SLIT2: variants seen among roughly 807,000 people sequenced by gnomAD.
SLIT2 encodes the protein slit homolog 2 protein.
In SLIT2, 41 loss-of-function variants were observed where a neutral mutation model predicts 185.7. The observed-to-expected ratio is 0.22, with a 90% CI of 0.17 to 0.29. SLIT2 has a LOEUF of 0.29. SLIT2 is among the 10% of genes least tolerant of loss of function. The pLI, the probability that SLIT2 is intolerant of heterozygous loss-of-function variation, is 1.00. For synonymous variants in SLIT2, 693 were observed against 680.2 expected (o/e 1.02, Z -0.29); for missense variants, 1,571 against 1,909.0 (o/e 0.82, Z 3.30).
intron 4 of SLIT2, among the ~76,000 whole-genome samples, chr4:20,418,346 CGTGGTTA>C (rs1272540362): frequency 7.9e-5 from 12 of 152,146 alleles, no homozygotes; most frequent in African/African-American, 2.9e-4. Flanking sequence ...GAAAAAAACA[CGTGGTTA>C]ATTAAGACTT....
At chr4:20,430,989 T>G (rs950410109) in intron 4 of SLIT2, among the ~76,000 whole-genome samples, 1 of 152,184 alleles carries the variant, frequency 6.6e-6, no homozygotes, top group African/African-American at 2.4e-5. Flanking sequence ...TAACAGACTG[T>G]TTGGTTGCTA....
intron 9 of SLIT2, among the ~76,000 whole-genome samples, chr4:20,509,701 A>G (rs1455037273): frequency 6.6e-6 from 1 of 152,192 alleles, no homozygotes; most frequent in Non-Finnish European, 1.5e-5. Context: ...ATAGACTAAA[A>G]TATGTACCAA....
intron 4 of SLIT2, among the ~76,000 whole-genome samples, chr4:20,372,259 T>C (rs1221084288): frequency 6.6e-6 from 1 of 152,046 alleles, no homozygotes; most frequent in Non-Finnish European, 1.5e-5. Flanking sequence ...GGAATTTACC[T>C]GACATTAAGT....
rs899643495 is a variant in SLIT2, at chr4:20,471,950, T to C, written c.467+4127T>C. 7.2e-5 allele frequency among the ~76,000 whole-genome samples: 11 copies of C among 151,932 alleles called. No individual in the cohort carries two copies. In the East Asian group the frequency reaches 1.9e-3, roughly 27 times the overall value. On this transcript the variant is annotated intron_variant, in intron 5 of 36. Transcript: ENST00000504154. Reference sequence around the variant, plus strand: ...TTTTACATTTTATTTTGCTACCTTATTTTCTCCAGCCACAATTTAAACTAC... The same window carrying C: ...TTTTACATTTTATTTTGCTACCTTACTTTCTCCAGCCACAATTTAAACTAC...
chr4:20,583,015 C>T (rs1228158873), intron 29 of SLIT2, among the ~76,000 whole-genome samples: 1 of 152,168 alleles, frequency 6.6e-6, no homozygotes, highest in Admixed American at 6.5e-5. Flanking sequence ...ACTCAGAACT[C>T]ATGCAATTCA....
intron 4 of SLIT2, among the ~76,000 whole-genome samples, chr4:20,390,508 A>G (rs1487563645): frequency 1.3e-5 from 2 of 152,060 alleles, no homozygotes; most frequent in African/African-American, 4.8e-5. Flanking sequence ...GTGAGTTCCT[A>G]AAACCACTAG....
At chr4:20,505,210 C>T (rs1719097150) in intron 9 of SLIT2, among the ~76,000 whole-genome samples, 1 of 151,740 alleles carries the variant, frequency 6.6e-6, no homozygotes, top group Non-Finnish European at 1.5e-5. Flanking sequence ...TTCTATTCTC[C>T]CCATTTTTCA....
chr4:20,615,417 C>T (rs1354587038), intron 34 of SLIT2: 1 of 152,168 alleles, frequency 6.6e-6, no homozygotes, highest in Non-Finnish European at 1.5e-5. Flanking sequence ...GATTTCTGCA[C>T]CTCTCCTGTT....
At chr4:20,354,900 TGTGTGTGAGAGAGAGAGAGA>T (rs1320230483) in intron 4 of SLIT2, among the ~76,000 whole-genome samples, 6 of 113,846 alleles carry the variant, frequency 5.3e-5, no homozygotes, top group African/African-American at 1.0e-4. Context: ...TGTGTGTGTG[TGTGTGTGAGAGAGAGAGAGA>T]GAGAGAGAGA....
At chr4:20,346,543 G>A (rs1399173663) in intron 4 of SLIT2, among the ~76,000 whole-genome samples, 1 of 152,142 alleles carries the variant, frequency 6.6e-6, no homozygotes, top group African/African-American at 2.4e-5. Flanking sequence ...CTCTAGAGGG[G>A]CAGTACTAAT....
At position 20,472,478 on chromosome 4, in the gene SLIT2, A is replaced by C. The variant is rs546341456; in HGVS notation, c.467+4655A>C. Among the ~76,000 whole-genome samples, 4 of 29,530 alleles carry C rather than the reference A, an allele frequency of 1.4e-4. 1 individual carries two copies. The highest frequency in any genetic ancestry group is 2.0e-4 in the Non-Finnish European group (4 of 20,138). 19.4% of individuals were successfully genotyped at this position (29,530 alleles called of 152,430 possible). ...GATATATCTATATCTATATATAGAT[A>C]TATATCTATATATAGATATATATCT... On this transcript the variant is annotated intron_variant, in intron 5 of 36. Transcript: ENST00000504154.
At position 20,541,584 on chromosome 4, in the gene SLIT2, A is replaced by T. The variant is rs778132485; in HGVS notation, c.2108A>T (p.Gln703Leu). ...TACTTCCTGAAAGAAATACCCATCC[A>T]GGATGTGGCCATTCAGGACTTCACT... ...KPYFLKEIPI[Q>L]DVAIQDFTCD... Residue 703 changes from glutamine (Q) to leucine (L), a missense_variant, in exon 20 of 37, where the codon CAG becomes CTG. Coordinates refer to ENST00000504154, the MANE Select transcript of SLIT2 (RefSeq NM_004787.4). The T allele has an allele frequency of 1.9e-6, 3 of 1,613,968 alleles. No homozygotes were observed. The highest frequency in any genetic ancestry group is 2.5e-6 in the Non-Finnish European group (3 of 1,179,934).
chr4:20,549,043 A>T lies in SLIT2; in HGVS notation c.2418-14A>T. On this transcript the variant is annotated splice_polypyrimidine_tract_variant and intron_variant, in intron 23 of 36. Coordinates refer to ENST00000504154, the MANE Select transcript of SLIT2 (RefSeq NM_004787.4). ...ATTTCTGAATAAAACAAATTGACAT[A>T]TGTATGCTTTCAGAATTCTTAGTTA... is the stretch of plus-strand genomic sequence containing the variant. The T allele has an allele frequency of 6.6e-7, 1 of 1,516,448 alleles. No individual in the cohort carries two copies. 93.9% of individuals were successfully genotyped at this position (1,516,448 alleles called of 1,614,324 possible). A position where few individuals can be genotyped will look rare whatever the true frequency, so the allele number is the denominator to read the frequency against.
intron 4 of SLIT2, among the ~76,000 whole-genome samples, chr4:20,463,452 T>TAG (rs1560444348): frequency 1.7e-3 from 33 of 19,806 alleles, no homozygotes; most frequent in African/African-American, 4.3e-3. Context: ...AACTGTGATA[T>TAG]ATATATATAT....
intron 4 of SLIT2, among the ~76,000 whole-genome samples, chr4:20,302,057 A>G (rs191034795): frequency 4.4e-4 from 67 of 152,308 alleles, no homozygotes; most frequent in African/African-American, 1.3e-3. Context: ...CAGAAAGAGT[A>G]TGTATCTAAT....
At chr4:20,421,096 GA>G (rs1413789694) in intron 4 of SLIT2, among the ~76,000 whole-genome samples, 1 of 152,154 alleles carries the variant, frequency 6.6e-6, no homozygotes, top group East Asian at 1.9e-4. Context: ...GGAATTAAAA[GA>G]AAAGGTAATT....
In SLIT2 at chr4:20,532,008, C is replaced by T. The variant is rs373964787; in HGVS notation, c.1638C>T (p.Thr546=). The stretch of plus-strand genomic sequence containing the variant: ...GGCGTCTCAATAATAATGAATTTAC[C>T]GTGTTGGAAGCCACAGGAATCTTTA... ...AELRLNNNEF[T]VLEATGIFKK... The change falls in exon 17 of 37, where the codon ACC becomes ACT. Residue 546 remains threonine, a synonymous_variant. Transcript: ENST00000504154. 3.2e-5 allele frequency: 51 copies of T among 1,575,694 alleles called. No homozygotes were observed. Among genetic ancestry groups the T allele is most frequent in the East Asian group, 1.8e-4 (8 of 43,340 alleles).
At chr4:20,480,064 A>G (rs1372748431) in intron 5 of SLIT2, among the ~76,000 whole-genome samples, 1 of 152,226 alleles carries the variant, frequency 6.6e-6, no homozygotes, top group Non-Finnish European at 1.5e-5. Context: ...TTTACAATGC[A>G]GAGCATTTGC....
In SLIT2 at chr4:20,619,254, G is replaced by T. The variant is rs959721253; in HGVS notation, c.*245G>T. 2.5e-5 allele frequency: 9 copies of T among 354,848 alleles called. No individual in the cohort carries two copies. Among genetic ancestry groups the T allele is most frequent in the Non-Finnish European group, 3.6e-5 (7 of 195,858 alleles). The allele number at this position is 354,848 out of a possible 1,614,324, so 22.0% of individuals were successfully genotyped here. The stretch of plus-strand genomic sequence containing the variant: ...ATATACCTGGAGACATTAGAACAGC[G>T]ATGGGAACCATTGCAACTCGGGTCC... On this transcript the variant is annotated 3_prime_UTR_variant, in exon 37 of 37. Transcript: ENST00000504154.
Sources: gnomAD v4.1 joint callset for allele counts (sites outside exome capture counted in the v4.1 genomes callset) on GRCh38, gnomAD v4.1.1 for gene constraint, MANE v1.5 for transcripts, NCBI Gene and HGNC (gene_info 2026-07-23, HGNC 2026-07-21) for gene names.